The following BMERB1 variants were observed in gnomAD, a reference collection of about 807,000 sequenced individuals.
The protein encoded by BMERB1 is bMERB domain-containing protein 1.
BMERB1 carries 12 observed loss-of-function variants against 23.6 expected under a neutral mutation model. The observed-to-expected ratio is 0.51, with a 90% CI of 0.33 to 0.82. The LOEUF (loss-of-function observed/expected upper bound fraction) is 0.82, where lower values mean the gene tolerates loss of function less well. Among genes scored for constraint, BMERB1 ranks in the 40% least tolerant of loss-of-function variants. BMERB1 has a pLI of 0.03. For missense variants in BMERB1, 247 were observed against 255.4 expected, an observed-to-expected ratio of 0.97 and a Z score of 0.22; for synonymous variants, 122 against 96.6, an observed-to-expected ratio of 1.26 and a Z score of -1.54.
chr16:15,554,880 A>G (rs531887034), intron 2 of BMERB1, among the ~76,000 whole-genome samples: 15 of 152,002 alleles, frequency 9.9e-5, no homozygotes, highest in Admixed American at 7.2e-4. Flanking sequence ...GTTAGCCAGG[A>G]TGGTCTCGAT....
At chr16:15,548,225 TCTG>T (rs1315370551) in intron 2 of BMERB1, among the ~76,000 whole-genome samples, 1 of 152,182 alleles carries the variant, frequency 6.6e-6, no homozygotes, top group Non-Finnish European at 1.5e-5. Context: ...TCTCAAGTGA[TCTG>T]CTGGTCTTGG....
chr16:15,499,421 A>T (rs147221958), intron 1 of BMERB1, among the ~76,000 whole-genome samples: 1 of 152,038 alleles, frequency 6.6e-6, no homozygotes, highest in African/African-American at 2.4e-5. Context: ...AAAAAACAAA[A>T]AAAAAAAGTC....
chr16:15,542,957 A>G (rs2052100377), intron 2 of BMERB1, among the ~76,000 whole-genome samples: 1 of 152,146 alleles, frequency 6.6e-6, no homozygotes, highest in African/African-American at 2.4e-5. Flanking sequence ...CAGATGACTA[A>G]GTGTTAACCA....
intron 5 of BMERB1, 37 bp from the exon 6 acceptor site, chr16:15,586,680 T>C: frequency 6.6e-7 from 1 of 1,522,146 alleles, no homozygotes; most frequent in South Asian, 1.2e-5. Context: ...TCTCTGTTCC[T>C]TTCTCCCCCT....
chr16:15,434,735 T>G lies in BMERB1; in HGVS notation c.82T>G (p.Trp28Gly). Residue 28 changes from tryptophan to glycine, a missense_variant, in exon 1 of 6, where the codon TGG becomes GGG. Trp to Gly is a radical substitution (Grantham distance 184, BLOSUM62 -2). Coordinates refer to ENST00000300006, the MANE Select transcript of BMERB1 (RefSeq NM_033201.3). ...RRYGAVEETA[W>G]KTERLGRNQL... ...CTATGGGGCGGTGGAGGAGACGGCT[T>G]GGAAAACGGAGAGACTGGGGAGAAG... 1 of 1,344,406 alleles carries G rather than the reference T, an allele frequency of 7.4e-7. No homozygotes were observed. Among genetic ancestry groups the G allele is most frequent in the South Asian group, 1.2e-5 (1 of 86,484 alleles). 83.3% of individuals were successfully genotyped at this position (1,344,406 alleles called of 1,614,324 possible).
At chr16:15,538,666 A>T (rs2052050649) in intron 2 of BMERB1, among the ~76,000 whole-genome samples, 1 of 152,166 alleles carries the variant, frequency 6.6e-6, no homozygotes, top group Non-Finnish European at 1.5e-5. Flanking sequence ...CGCTCTGGTG[A>T]TTAAATTCGG....
At position 15,434,624 on chromosome 16, in the gene BMERB1, G is replaced by C. The variant is rs2050870494; in HGVS notation, c.-30G>C. The C allele has an allele frequency of 2.5e-6, 4 of 1,584,652 alleles. No homozygotes were observed. Among genetic ancestry groups the C allele is most frequent in the Non-Finnish European group, 3.5e-6 (4 of 1,153,266 alleles). On this transcript the variant is annotated 5_prime_UTR_variant, in exon 1 of 6. Coordinates refer to ENST00000300006, the MANE Select transcript of BMERB1 (RefSeq NM_033201.3). ...CCGCAACGGGAATGGAGTAAAGGGAGACCCGTCGACCTGGCCACGGGGATC... is the reference window on the plus strand; with the variant it reads ...CCGCAACGGGAATGGAGTAAAGGGACACCCGTCGACCTGGCCACGGGGATC...
At chr16:15,551,035 C>T (rs2030075207) in intron 2 of BMERB1, among the ~76,000 whole-genome samples, 2 of 152,138 alleles carry the variant, frequency 1.3e-5, no homozygotes, top group Admixed American at 6.6e-5. Flanking sequence ...GAGTGGAAGG[C>T]ACAAGAGAGC....
chr16:15,530,706 G>T (rs1409158482), intron 2 of BMERB1, among the ~76,000 whole-genome samples: 3 of 152,050 alleles, frequency 2.0e-5, no homozygotes, highest in Admixed American at 2.0e-4. Flanking sequence ...TCATGTGGGT[G>T]GTTGCGCCAT....
chr16:15,560,839 AAAG>A (rs1207394013), intron 2 of BMERB1, among the ~76,000 whole-genome samples: 2 of 151,900 alleles, frequency 1.3e-5, no homozygotes, highest in Admixed American at 6.6e-5. Flanking sequence ...AAACTTTTAC[AAAG>A]AAGAGTATAA....
chr16:15,565,413 T>C (rs1200359886), intron 2 of BMERB1, among the ~76,000 whole-genome samples: 1 of 152,248 alleles, frequency 6.6e-6, no homozygotes, highest in Non-Finnish European at 1.5e-5. Context: ...CCTGCTTCAG[T>C]CTTCTTTGTA....
At chr16:15,473,866 TC>T (rs1294585136) in intron 1 of BMERB1, among the ~76,000 whole-genome samples, 1 of 151,470 alleles carries the variant, frequency 6.6e-6, no homozygotes, top group African/African-American at 2.4e-5. Context: ...ACGCCTGTAA[TC>T]CCAGCACTTT....
intron 1 of BMERB1, among the ~76,000 whole-genome samples, chr16:15,480,375 A>G (rs1253500014): frequency 2.0e-5 from 3 of 151,902 alleles, no homozygotes; most frequent in South Asian, 4.1e-4. Flanking sequence ...AGGCCTCCCA[A>G]AGTGCTGGGA....
intron 2 of BMERB1, among the ~76,000 whole-genome samples, chr16:15,517,587 A>T (rs1431896259): frequency 6.7e-6 from 1 of 149,076 alleles, no homozygotes; most frequent in Admixed American, 6.6e-5. Context: ...CCCTTTGTTT[A>T]AAAAAAAAAC....
intron 1 of BMERB1, among the ~76,000 whole-genome samples, chr16:15,502,009 T>C (rs578112938): frequency 2.5e-4 from 38 of 152,342 alleles, no homozygotes; most frequent in Admixed American, 1.4e-3. Context: ...CACTGATCTA[T>C]ACATTCTCTC....
intron 2 of BMERB1, among the ~76,000 whole-genome samples, chr16:15,533,680 G>A (rs925444987): frequency 5.3e-5 from 8 of 152,148 alleles, no homozygotes; most frequent in South Asian, 4.1e-4. Flanking sequence ...GTGGCAAACC[G>A]AAGTCTATGC....
chr16:15,508,657 C>T (rs978008156), intron 1 of BMERB1, among the ~76,000 whole-genome samples: 7 of 151,800 alleles, frequency 4.6e-5, no homozygotes, highest in African/African-American at 1.7e-4. Context: ...AACCCCATCT[C>T]TACAAATAGT....
At chr16:15,462,659 GC>G (rs1445220645) in intron 1 of BMERB1, among the ~76,000 whole-genome samples, 3 of 152,120 alleles carry the variant, frequency 2.0e-5, no homozygotes, top group Admixed American at 2.0e-4. Flanking sequence ...ACAGAAATTG[GC>G]CCCAACAGAG....
intron 1 of BMERB1, among the ~76,000 whole-genome samples, chr16:15,498,593 G>A (rs1276833953): frequency 6.6e-6 from 1 of 151,200 alleles, no homozygotes; most frequent in Non-Finnish European, 1.5e-5. Context: ...GAAGGGAAGG[G>A]AAGGGAGAAA....
Sources: gnomAD v4.1 joint callset for allele counts (sites outside exome capture counted in the v4.1 genomes callset) on GRCh38, gnomAD v4.1.1 for gene constraint, MANE v1.5 for transcripts, NCBI Gene and HGNC (gene_info 2026-07-23, HGNC 2026-07-21) for gene names.